The following ATXN2 variants were observed in gnomAD, a reference collection of about 807,000 sequenced individuals.
The protein encoded by ATXN2 is ataxin 2.
ATXN2 carries 37 observed loss-of-function variants against 138.6 expected under a neutral mutation model. The ratio of observed to expected loss-of-function variants is 0.27; its 90% confidence interval spans 0.21 to 0.35. ATXN2 has a LOEUF of 0.35. ATXN2 is among the 10% of genes least tolerant of loss of function. The pLI, the probability that ATXN2 is intolerant of heterozygous loss-of-function variation, is 1.00. For missense variants in ATXN2, 1,216 were observed against 1,480.3 expected (o/e 0.82, Z 2.93); for synonymous variants, 549 against 543.7 (o/e 1.01, Z -0.13).
intron 18 of ATXN2, chr12:111,485,039 T>G: frequency 2.4e-6 from 1 of 411,712 alleles, no homozygotes; most frequent in South Asian, 6.3e-5. Context: ...CCAATTACTC[T>G]TTTTGAAGAG....
intron 14 of ATXN2, among the ~76,000 whole-genome samples, chr12:111,500,461 G>A (rs1368626582): frequency 6.6e-6 from 1 of 152,186 alleles, no homozygotes; most frequent in Non-Finnish European, 1.5e-5. Context: ...AAGTTGGGAA[G>A]GGTAATGGGG....
At chr12:111,526,291 G>A (rs958157097) in intron 5 of ATXN2, among the ~76,000 whole-genome samples, 3 of 151,744 alleles carry the variant, frequency 2.0e-5, no homozygotes, top group Admixed American at 6.6e-5. Flanking sequence ...GGGAGGTGGA[G>A]GTTGCAATGA....
upstream of ATXN2, chr12:111,599,598 A>C: frequency 9.2e-7 from 1 of 1,091,366 alleles, no homozygotes; most frequent in Non-Finnish European, 1.1e-6. Flanking sequence ...GGTCAGACGG[A>C]AGCAGAACGT....
intron 5 of ATXN2, among the ~76,000 whole-genome samples, chr12:111,549,519 G>A (rs776685450): frequency 6.6e-6 from 1 of 151,476 alleles, no homozygotes; most frequent in Non-Finnish European, 1.5e-5. Flanking sequence ...CTGGGAAATA[G>A]AGTGAGACTC....
intron 1 of ATXN2, among the ~76,000 whole-genome samples, chr12:111,559,136 GT>G (rs762892445): frequency 2.4e-4 from 34 of 142,142 alleles, no homozygotes; most frequent in East Asian, 2.1e-4. Flanking sequence ...ACAGTTTTTT[GT>G]TTTTTTTTTT....
intron 1 of ATXN2, among the ~76,000 whole-genome samples, chr12:111,592,459 CA>C (rs962796155): frequency 1.3e-5 from 2 of 150,582 alleles, no homozygotes; most frequent in Admixed American, 6.6e-5. Flanking sequence ...TGGAAAAAAA[CA>C]AAAAAAACAC....
At chr12:111,467,306 G>GTTTTT (rs1876095446) in intron 20 of ATXN2, among the ~76,000 whole-genome samples, 2 of 80,958 alleles carry the variant, frequency 2.5e-5, no homozygotes, top group African/African-American at 1.9e-4. Context: ...CCATGACTGG[G>GTTTTT]CTTTTTTTTT....
In ATXN2 at chr12:111,464,734, A is replaced by G. The variant is rs770461544; in HGVS notation, c.2843-19T>C. ...GGACATGCTGAATTTGGGAAATAGA[A>G]AGGTAAATTAGCCTTTTGAGGTGTG... On this transcript the variant is annotated intron_variant, in intron 20 of 24. Coordinates refer to ENST00000673436, the MANE Select transcript of ATXN2 (RefSeq NM_001372574.1). 1 of 1,600,638 alleles carries G rather than the reference A, an allele frequency of 6.2e-7. No homozygotes were observed. The highest frequency in any genetic ancestry group is 2.2e-5 in the East Asian group (1 of 44,712).
Position 111,488,502 on chromosome 12 carries a change from A to G in ATXN2, c.2214T>C (p.Asp738=), listed in dbSNP as rs776813125. ...CAGCTGCGTCTTTCTTCTCTTCCTT[A>G]TCGTCTTTCTCTTGTTTACATGCTG... The part of the protein sequence containing the change: ...SSPACKQEKD[D]KEEKKDAAEQ... The change falls in exon 15 of 25, where the codon GAT becomes GAC. Residue 738 remains aspartate (D), a synonymous_variant. Coordinates refer to ENST00000673436, the MANE Select transcript of ATXN2 (RefSeq NM_001372574.1). 1.2e-6 allele frequency: 2 copies of G among 1,612,886 alleles called. No individual in the cohort carries two copies. The highest frequency in any genetic ancestry group is 2.2e-5 in the South Asian group (2 of 90,942).
chr12:111,506,415 TTTA>T (rs1879114812), intron 14 of ATXN2, among the ~76,000 whole-genome samples: 2 of 152,266 alleles, frequency 1.3e-5, no homozygotes, highest in South Asian at 2.1e-4. Flanking sequence ...CTTTAAACGG[TTTA>T]TTTATATATG....
At chr12:111,585,874 T>C (rs1036740419) in intron 1 of ATXN2, among the ~76,000 whole-genome samples, 53 of 151,472 alleles carry the variant, frequency 3.5e-4, no homozygotes, top group Admixed American at 1.7e-3. Context: ...GTCTGTTTTT[T>C]AGTAGTTCCC....
In ATXN2 at chr12:111,552,610, T is replaced by C; in HGVS notation, c.421-180A>G. On this transcript the variant is annotated intron_variant, in intron 4 of 24. Coordinates refer to ENST00000673436, the MANE Select transcript of ATXN2 (RefSeq NM_001372574.1). The surrounding 1 kb of genome is among the most constrained non-coding windows in gnomAD (Gnocchi z 4.1). ...CCATTCCATCATTTAAAAATCCTCA[T>C]ATCTAAATGTTTTTTGTTTCTATGG... 1 of 667,100 alleles carries C rather than the reference T, an allele frequency of 1.5e-6. No homozygotes were observed. The highest frequency in any genetic ancestry group is 2.6e-5 in the South Asian group (1 of 38,730). The allele number at this position is 667,100 out of a possible 1,614,324, so 41.3% of individuals were successfully genotyped here. A position where few individuals can be genotyped will look rare whatever the true frequency, so the allele number is the denominator to read the frequency against.
Position 111,562,623 on chromosome 12 carries a change from C to T in ATXN2, c.252-6704G>A, listed in dbSNP as rs563154190. Among the ~76,000 whole-genome samples, 10 of 147,902 alleles carry T rather than the reference C, an allele frequency of 6.8e-5. No individual in the cohort carries two copies. In the South Asian group the frequency reaches 1.3e-3, roughly 19 times the overall value. Reference sequence around the variant, plus strand: ...TAATCCCAGCTACTCGGGAGGCTGACGCAGGAGAACTGCTTGAACCCGGGA... The same window carrying T: ...TAATCCCAGCTACTCGGGAGGCTGATGCAGGAGAACTGCTTGAACCCGGGA... On this transcript the variant is annotated intron_variant, in intron 1 of 24. Transcript: ENST00000673436.
At chr12:111,555,994 A>G in intron 1 of ATXN2, 75 bp from the exon 2 acceptor site, 3 of 1,198,170 alleles carry the variant, frequency 2.5e-6, no homozygotes, top group Non-Finnish European at 3.5e-6. Flanking sequence ...AACTTAAAAT[A>G]TAATTCCATT....
rs1310159317 is a variant in ATXN2, at chr12:111,598,764, G to T, written c.251+20C>A. 4 of 1,275,852 alleles carry T rather than the reference G, an allele frequency of 3.1e-6. No homozygotes were observed. The highest frequency in any genetic ancestry group is 3.0e-6 in the Non-Finnish European group (3 of 1,013,012). 79.0% of individuals were successfully genotyped at this position (1,275,852 alleles called of 1,614,324 possible). Reference sequence around the variant, plus strand: ...GGACGCCGGGCCCGGAGCGGAGGGGGCTGGGGTGCCGACACCCACCTGCCC... The same window carrying T: ...GGACGCCGGGCCCGGAGCGGAGGGGTCTGGGGTGCCGACACCCACCTGCCC... On this transcript the variant is annotated intron_variant, in intron 1 of 24. Coordinates refer to ENST00000673436, the MANE Select transcript of ATXN2 (RefSeq NM_001372574.1). This position sits in a 1 kb window ranked among gnomAD's most constrained non-coding sequence, Gnocchi z 4.5.
Position 111,598,993 on chromosome 12 carries a change from C to CTGT in ATXN2, c.41_42insACA (p.Gln28dup), listed in dbSNP as rs747765975. The CTGT allele has an allele frequency of 5.5e-4, 819 of 1,479,560 alleles. 9 individuals are homozygous for CTGT. In the African/African-American group the frequency reaches 9.3e-3, roughly 17 times the overall value. 91.7% of individuals were successfully genotyped at this position (1,479,560 alleles called of 1,614,324 possible). A position where few individuals can be genotyped will look rare whatever the true frequency, so the allele number is the denominator to read the frequency against. ...GCTGCTGCTGTTGCTGCTGCTGCTG[C>CTGT]TGCTGCTGCTGCTGCTGCTGCTGCT... is the stretch of plus-strand genomic sequence containing the variant. On this transcript the variant is annotated inframe_insertion, in exon 1 of 25. Coordinates refer to ENST00000673436, the MANE Select transcript of ATXN2 (RefSeq NM_001372574.1). This position sits in a 1 kb window ranked among gnomAD's most constrained non-coding sequence, Gnocchi z 4.5.
At position 111,479,390 on chromosome 12, in the gene ATXN2, T is replaced by TAAA. The variant is rs33967202; in HGVS notation, c.2524+5872_2524+5874dup. On this transcript the variant is annotated intron_variant, in intron 18 of 24. Coordinates refer to ENST00000673436, the MANE Select transcript of ATXN2 (RefSeq NM_001372574.1). ...CAACATGGTGAAATCCCGTCTCTGC[T>TAAA]AAAAAAAAAAAAAAAAAAAAAAAAA... Among the ~76,000 whole-genome samples, 449 of 49,784 alleles carry TAAA rather than the reference T, an allele frequency of 9.0e-3. 19 individuals carry two copies. The highest frequency in any genetic ancestry group is 0.026 in the African/African-American group (403 of 15,626). The allele number at this position is 49,784 out of a possible 152,430, so 32.7% of individuals were successfully genotyped here. A position where few individuals can be genotyped will look rare whatever the true frequency, so the allele number is the denominator to read the frequency against.
intron 5 of ATXN2, among the ~76,000 whole-genome samples, chr12:111,545,003 C>A (rs1284039694): frequency 6.6e-6 from 1 of 151,808 alleles, no homozygotes; most frequent in East Asian, 1.9e-4. Flanking sequence ...ACTAAAAATA[C>A]AAAAATTTAG....
chr12:111,466,576 A>G (rs967591267), intron 20 of ATXN2, among the ~76,000 whole-genome samples: 2 of 152,246 alleles, frequency 1.3e-5, no homozygotes, highest in African/African-American at 2.4e-5. Flanking sequence ...GTCAAGGTCA[A>G]TACTTTTTTA....
Sources: gnomAD v4.1 joint callset for allele counts (sites outside exome capture counted in the v4.1 genomes callset) on GRCh38, gnomAD v4.1.1 for gene constraint, Gnocchi (gnomAD v3.1) non-coding constraint, MANE v1.5 for transcripts, NCBI Gene and HGNC (gene_info 2026-07-23, HGNC 2026-07-21) for gene names.